The following CLCN4 variants were observed in gnomAD, a reference collection of about 807,000 sequenced individuals.
The protein encoded by CLCN4 is Cl-/H+ antiporter 4.
A neutral mutation model predicts 41.7 loss-of-function variants in CLCN4; 1 was observed. The observed-to-expected ratio is 0.02, with a 90% CI of 0.01 to 0.11. The LOEUF (loss-of-function observed/expected upper bound fraction) is 0.11. Among genes scored for constraint, CLCN4 ranks in the 10% least tolerant of loss-of-function variants. The pLI is 1.00. For synonymous variants in CLCN4, 277 were observed against 285.8 expected, an observed-to-expected ratio of 0.97 and a Z score of 0.31; for missense variants, 287 against 661.0, an observed-to-expected ratio of 0.43 and a Z score of 6.20.
At chrX:10,233,284 G>A (rs1326552164) in intron 12 of CLCN4, among the ~76,000 whole-genome samples, 3 of 111,836 alleles carry the variant, frequency 2.7e-5, no homozygotes, top group East Asian at 2.8e-4. Flanking sequence ...AGAGTGGGGG[G>A]AAATGCACAG....
chrX:10,176,866 G>A (rs17255418), intron 2 of CLCN4, among the ~76,000 whole-genome samples: 35,625 of 111,296 alleles, frequency 0.32, 4,336 homozygotes, highest in African/African-American at 0.43. Flanking sequence ...ACAGGTGGAA[G>A]GGCTTCAACC....
intron 2 of CLCN4, among the ~76,000 whole-genome samples, chrX:10,158,889 C>G (rs1231704540): frequency 8.8e-6 from 1 of 113,386 alleles, no homozygotes; most frequent in African/African-American, 3.2e-5. Context: ...TCTAAGTAGA[C>G]AGAGGGGCTT....
At chrX:10,181,379 A>G (rs1350314286) in intron 2 of CLCN4, among the ~76,000 whole-genome samples, 1 of 107,538 alleles carries the variant, frequency 9.3e-6, no homozygotes, top group Non-Finnish European at 1.9e-5. Context: ...GAAAAGAAAG[A>G]AAAAGAAAAG....
At position 10,235,692 on chromosome X, in the gene CLCN4, A is replaced by G. The variant is rs755540952; in HGVS notation, c.*2108A>G. On this transcript the variant is annotated 3_prime_UTR_variant, in exon 13 of 13. Coordinates refer to ENST00000380833, the MANE Select transcript of CLCN4 (RefSeq NM_001830.4). ...AACTTCTAATTAATGTGCAAAATACATATTTTCTCCAGGTTAAGAAATTTT... is the reference window on the plus strand; with the variant it reads ...AACTTCTAATTAATGTGCAAAATACGTATTTTCTCCAGGTTAAGAAATTTT... 1.8e-5 allele frequency: 2 copies of G among 112,280 alleles called. No individual in the cohort carries two copies. Among genetic ancestry groups the G allele is most frequent in the Non-Finnish European group, 3.8e-5 (2 of 53,314 alleles). The allele number at this position is 112,280 out of a possible 1,213,427, so 9.3% of individuals were successfully genotyped here.
intron 2 of CLCN4, among the ~76,000 whole-genome samples, chrX:10,167,810 T>C (rs757050440): frequency 2.7e-5 from 3 of 112,640 alleles, no homozygotes; most frequent in South Asian, 3.7e-4. Flanking sequence ...TCCTGACACA[T>C]AGAAACCGTG....
chrX:10,229,929 G>A (rs1925085232), intron 12 of CLCN4, among the ~76,000 whole-genome samples: 1 of 112,064 alleles, frequency 8.9e-6, no homozygotes, highest in African/African-American at 3.2e-5. Flanking sequence ...TTTTGATACT[G>A]GCATGCAATG....
Position 10,162,310 on chromosome X carries a change from C to T in CLCN4, c.-12+3759C>T, listed in dbSNP as rs145565806. Among the ~76,000 whole-genome samples the T allele has an allele frequency of 2.2e-3, 243 of 111,491 alleles. 1 individual carries two copies. The highest frequency in any genetic ancestry group is 7.5e-3 in the African/African-American group (231 of 30,672). ...CTGGGATTACAGGCATGAGCCACCACGCCTGGCCGCAGTTGAGTCTTGAGA... is the reference window on the plus strand; with the variant it reads ...CTGGGATTACAGGCATGAGCCACCATGCCTGGCCGCAGTTGAGTCTTGAGA... On this transcript the variant is annotated intron_variant, in intron 2 of 12. Transcript: ENST00000380833.
At position 10,228,624 on chromosome X, in the gene CLCN4, C is replaced by A. The variant is rs139052312; in HGVS notation, c.2193-4870C>A. ...ACGGGATTCCTGTGTCCCATGCTGA[C>A]GGTGTATTATAGATTCACCCACAGA... On this transcript the variant is annotated intron_variant, in intron 12 of 12. Coordinates refer to ENST00000380833, the MANE Select transcript of CLCN4 (RefSeq NM_001830.4). Among the ~76,000 whole-genome samples the A allele has an allele frequency of 5.9e-4, 66 of 111,533 alleles. No homozygotes were observed. In the East Asian group the frequency reaches 9.8e-3, roughly 17 times the overall value.
intron 12 of CLCN4, among the ~76,000 whole-genome samples, chrX:10,222,740 C>A (rs1235627339): frequency 8.9e-6 from 1 of 111,838 alleles, no homozygotes; most frequent in East Asian, 2.8e-4. Context: ...CAATCCTATT[C>A]ATTCCACTTT....
In CLCN4 at chrX:10,234,610, T is replaced by G. The variant is rs1370025665; in HGVS notation, c.*1026T>G. 8.9e-6 allele frequency: 1 copy of G among 112,665 alleles called. No individual in the cohort carries two copies. Among genetic ancestry groups the G allele is most frequent in the African/African-American group, 3.2e-5 (1 of 30,945 alleles). 9.3% of individuals were successfully genotyped at this position (112,665 alleles called of 1,213,427 possible). A position where few individuals can be genotyped will look rare whatever the true frequency, so the allele number is the denominator to read the frequency against. On this transcript the variant is annotated 3_prime_UTR_variant, in exon 13 of 13. Coordinates refer to ENST00000380833, the MANE Select transcript of CLCN4 (RefSeq NM_001830.4). Reference sequence around the variant, plus strand: ...TGTGGAGAGGATGAGGCATATGCGTTGTCAGTTGGAATCCCTCCAAATGGA... The same window carrying G: ...TGTGGAGAGGATGAGGCATATGCGTGGTCAGTTGGAATCCCTCCAAATGGA...
intron 4 of CLCN4, among the ~76,000 whole-genome samples, chrX:10,189,058 A>G (rs898751210): frequency 4.5e-5 from 5 of 112,240 alleles, no homozygotes; most frequent in Admixed American, 1.9e-4. Flanking sequence ...TCATTGTCAC[A>G]AGGGATTGGA....
intron 2 of CLCN4, 52 bp from the exon 3 acceptor site, chrX:10,184,970 A>G: frequency 9.6e-7 from 1 of 1,043,114 alleles, no homozygotes; most frequent in Admixed American, 2.9e-5. Flanking sequence ...TTCTTCTTGC[A>G]TGGCCATGGC....
chrX:10,162,501 GTCT>G (rs752968072), intron 2 of CLCN4, among the ~76,000 whole-genome samples: 6 of 112,658 alleles, frequency 5.3e-5, no homozygotes, highest in African/African-American at 1.9e-4. Flanking sequence ...ATGTAGAAAA[GTCT>G]TCTTGTTTAG....
At chrX:10,191,030 A>T (rs1411160228) in intron 4 of CLCN4, among the ~76,000 whole-genome samples, 3 of 112,577 alleles carry the variant, frequency 2.7e-5, no homozygotes, top group Non-Finnish European at 3.7e-5. Flanking sequence ...CTTTATTGAA[A>T]TATAACTCAC....
chrX:10,185,302 G>A (rs1233786489), intron 3 of CLCN4, 126 bp downstream of exon 3: 9 of 663,300 alleles, frequency 1.4e-5, no homozygotes, highest in African/African-American at 8.9e-5. Flanking sequence ...GAAGAAAAGA[G>A]CCAGTGGGAG....
At chrX:10,232,563 T>C (rs1456037890) in intron 12 of CLCN4, among the ~76,000 whole-genome samples, 1 of 112,113 alleles carries the variant, frequency 8.9e-6, no homozygotes. Flanking sequence ...TATGTGGGAA[T>C]GGAGCTTCTT....
At chrX:10,163,244 G>A (rs1923153946) in intron 2 of CLCN4, among the ~76,000 whole-genome samples, 2 of 112,646 alleles carry the variant, frequency 1.8e-5, no homozygotes, top group South Asian at 7.2e-4. Flanking sequence ...TACCAACCTG[G>A]GGGAAGAGGT....
At chrX:10,210,623 T>C (rs908582974) in intron 9 of CLCN4, among the ~76,000 whole-genome samples, 3 of 108,684 alleles carry the variant, frequency 2.8e-5, no homozygotes, top group South Asian at 4.1e-4. Flanking sequence ...ATTACACACA[T>C]GCGCCATTGT....
chrX:10,158,749 G>T (rs1276697528), intron 2 of CLCN4, among the ~76,000 whole-genome samples, 198 bp downstream of exon 2: 1 of 113,510 alleles, frequency 8.8e-6, no homozygotes, highest in African/African-American at 3.2e-5. Context: ...GCCCGTGGCA[G>T]GCCCACGCGT....
Sources: gnomAD v4.1 joint callset for allele counts (sites outside exome capture counted in the v4.1 genomes callset) on GRCh38, gnomAD v4.1.1 for gene constraint, MANE v1.5 for transcripts, NCBI Gene and HGNC (gene_info 2026-07-23, HGNC 2026-07-21) for gene names.